Variants in GALNT10 observed in about 807,000 individuals in gnomAD.
GALNT10 encodes the protein polypeptide N-acetylgalactosaminyltransferase 10.
GALNT10 carries 41 observed loss-of-function variants against 75.0 expected under a neutral mutation model. The ratio of observed to expected loss-of-function variants is 0.55; its 90% CI spans 0.43 to 0.71. GALNT10 has a LOEUF of 0.71. Ranked by LOEUF, GALNT10 falls within the 30% of genes least tolerant of loss-of-function variation. The pLI is 0.00. For synonymous variants in GALNT10, 302 were observed against 313.0 expected, an observed-to-expected ratio of 0.96 and a Z score of 0.37; for missense variants, 727 against 818.5, an observed-to-expected ratio of 0.89 and a Z score of 1.36.
chr5:154,262,412 C>T (rs1417701407), intron 1 of GALNT10, among the ~76,000 whole-genome samples: 4 of 152,314 alleles, frequency 2.6e-5, no homozygotes, highest in South Asian at 4.2e-4. Context: ...GCGCTCATTA[C>T]TGCAGTGGGG....
intron 1 of GALNT10, among the ~76,000 whole-genome samples, chr5:154,257,482 C>T (rs965345113): frequency 2.6e-5 from 4 of 152,120 alleles, no homozygotes; most frequent in Admixed American, 6.5e-5. Flanking sequence ...AAACTTGTCT[C>T]AAAGTGGCCT....
chr5:154,233,058 T>C (rs1227675989), intron 1 of GALNT10, among the ~76,000 whole-genome samples: 1 of 152,190 alleles, frequency 6.6e-6, no homozygotes, highest in Non-Finnish European at 1.5e-5. Flanking sequence ...TCAGTTTCCT[T>C]ATCTGTAAAA....
rs914075301 is a variant in GALNT10 at position 154,416,670 on chromosome 5, T to A, written c.1654-144T>A. ...GGGAGGCTGGGCAGCATCCGGCTTGTGAGCTCAGGAGGAAAACCAACAGGT... is the reference window on the plus strand; with the variant it reads ...GGGAGGCTGGGCAGCATCCGGCTTGAGAGCTCAGGAGGAAAACCAACAGGT... On this transcript the variant is annotated intron_variant, in intron 11 of 11. Transcript: ENST00000297107. The surrounding 1 kb of genome is among the most constrained non-coding windows in gnomAD (Gnocchi z 4.5). The A allele has an allele frequency of 9.3e-6, 6 of 647,288 alleles. No individual in the cohort carries two copies. In the East Asian group the frequency reaches 1.6e-4, roughly 18 times the overall value. 40.1% of individuals were successfully genotyped at this position (647,288 alleles called of 1,614,324 possible). A position where few individuals can be genotyped will look rare whatever the true frequency, so the allele number is the denominator to read the frequency against.
intron 1 of GALNT10, among the ~76,000 whole-genome samples, chr5:154,287,890 C>CTGTG (rs61253851): frequency 0.3 from 43,196 of 144,920 alleles, 7,048 homozygotes; most frequent in East Asian, 0.65. Flanking sequence ...AATTGCTTTG[C>CTGTG]TGTGTGTGTG....
At chr5:154,228,552 T>G (rs13177431) in intron 1 of GALNT10, among the ~76,000 whole-genome samples, 55,561 of 152,190 alleles carry the variant, frequency 0.37, 12,266 homozygotes, top group East Asian at 0.84. Flanking sequence ...ATCTCCCAGG[T>G]ACTCTGATTA....
At chr5:154,361,018 AG>A (rs1581992152) in intron 4 of GALNT10, among the ~76,000 whole-genome samples, 1 of 152,326 alleles carries the variant, frequency 6.6e-6, no homozygotes, top group East Asian at 1.9e-4. Context: ...TTTATTAAAA[AG>A]ATTTATCATT....
chr5:154,240,997 A>T (rs1024105787), intron 1 of GALNT10, among the ~76,000 whole-genome samples: 2 of 152,234 alleles, frequency 1.3e-5, no homozygotes, highest in Non-Finnish European at 2.9e-5. Context: ...TCCAGTGAGG[A>T]GTAGAGCTTA....
intron 3 of GALNT10, among the ~76,000 whole-genome samples, chr5:154,320,991 G>T (rs1199620504): frequency 2.0e-5 from 3 of 152,142 alleles, no homozygotes; most frequent in African/African-American, 4.8e-5. Flanking sequence ...AAACTAAGAA[G>T]TCTCTGGACT....
rs1470291125 is a variant in GALNT10 at position 154,419,028 on chromosome 5, C to G, written c.*2056C>G. 6.6e-6 allele frequency: 1 copy of G among 152,460 alleles called. No homozygotes were observed. The highest frequency in any genetic ancestry group is 1.5e-5 in the Non-Finnish European group (1 of 68,012). The allele number at this position is 152,460 out of a possible 1,614,324, so 9.4% of individuals were successfully genotyped here. A position where few individuals can be genotyped will look rare whatever the true frequency, so the allele number is the denominator to read the frequency against. On this transcript the variant is annotated 3_prime_UTR_variant, in exon 12 of 12. Transcript: ENST00000297107. The stretch of plus-strand genomic sequence containing the variant: ...TGCAAATATAGAGCAAATCCCTAAA[C>G]TTGAACCATTTCCTAGTGCCTTGCT...
At chr5:154,386,534 A>G in intron 7 of GALNT10, 104 bp downstream of exon 7, 3 of 520,780 alleles carry the variant, frequency 5.8e-6, no homozygotes, top group Admixed American at 2.5e-5. Flanking sequence ...TGGAGGCCTC[A>G]GGGTTCTGTA....
intron 1 of GALNT10, among the ~76,000 whole-genome samples, chr5:154,248,147 T>G (rs1186460849): frequency 6.6e-6 from 1 of 152,220 alleles, no homozygotes; most frequent in East Asian, 1.9e-4. Flanking sequence ...CAGCCTTGCA[T>G]CCCAGGGATG....
intron 5 of GALNT10, among the ~76,000 whole-genome samples, chr5:154,378,645 C>A (rs1049414522): frequency 2.0e-5 from 3 of 152,198 alleles, no homozygotes; most frequent in African/African-American, 7.2e-5. Flanking sequence ...CTGTCTTCCT[C>A]CCCTTTGTCA....
chr5:154,254,029 C>T (rs1307144381), intron 1 of GALNT10, among the ~76,000 whole-genome samples: 1 of 152,148 alleles, frequency 6.6e-6, no homozygotes, highest in South Asian at 2.1e-4. Context: ...GACTGCAGTT[C>T]TTACCTTAGC....
chr5:154,385,216 T>G (rs765142584), intron 6 of GALNT10, among the ~76,000 whole-genome samples: 1 of 152,198 alleles, frequency 6.6e-6, no homozygotes, highest in Non-Finnish European at 1.5e-5. Flanking sequence ...GCCACTCTGA[T>G]AGCTTTTCAC....
chr5:154,334,827 A>G (rs1185583840), intron 4 of GALNT10, among the ~76,000 whole-genome samples: 1 of 152,178 alleles, frequency 6.6e-6, no homozygotes, highest in Non-Finnish European at 1.5e-5. Flanking sequence ...GAGTATAGAC[A>G]ATGCTGGGCC....
intron 4 of GALNT10, among the ~76,000 whole-genome samples, chr5:154,342,597 A>AGT (rs1261078267): frequency 1.3e-5 from 2 of 152,196 alleles, no homozygotes; most frequent in Admixed American, 1.3e-4. Flanking sequence ...CAGGTCACTA[A>AGT]GTGTGCTTTG....
intron 1 of GALNT10, among the ~76,000 whole-genome samples, chr5:154,293,639 A>G (rs760825942): frequency 7.5e-6 from 1 of 133,320 alleles, no homozygotes; most frequent in African/African-American, 2.8e-5. Context: ...CAGCCATTCA[A>G]TTGCTTCTTC....
chr5:154,411,661 C>T (rs577164260), intron 9 of GALNT10, among the ~76,000 whole-genome samples: 9 of 152,356 alleles, frequency 5.9e-5, no homozygotes, highest in African/African-American at 1.9e-4. Flanking sequence ...CCTACCCCAA[C>T]ATCACCTCCA....
rs953105471 is a variant in GALNT10, at chr5:154,298,910, G to T, written c.401+831G>T. Among the ~76,000 whole-genome samples, 1 of 152,148 alleles carries T rather than the reference G, an allele frequency of 6.6e-6. No homozygotes were observed. The highest frequency in any genetic ancestry group is 2.4e-5 in the African/African-American group (1 of 41,416). On this transcript the variant is annotated intron_variant, in intron 3 of 11. Coordinates refer to ENST00000297107, the MANE Select transcript of GALNT10 (RefSeq NM_198321.4). The surrounding 1 kb of genome is among the most constrained non-coding windows in gnomAD (Gnocchi z 4.1). ...TCAGTAGGTCTGGATGGGGGCCCAAGAACTTCCATTTCAAATAGGCTCCCT... is the reference window on the plus strand; with the variant it reads ...TCAGTAGGTCTGGATGGGGGCCCAATAACTTCCATTTCAAATAGGCTCCCT...
Sources: gnomAD v4.1 joint callset for allele counts (sites outside exome capture counted in the v4.1 genomes callset) on GRCh38, gnomAD v4.1.1 for gene constraint, Gnocchi (gnomAD v3.1) non-coding constraint, MANE v1.5 for transcripts, NCBI Gene and HGNC (gene_info 2026-07-23, HGNC 2026-07-21) for gene names.